PRH1: variants seen among roughly 807,000 people sequenced by gnomAD.
PRH1 encodes salivary acidic proline-rich phosphoprotein 1/2.
In PRH1, 7 loss-of-function variants were observed where a neutral mutation model predicts 7.9. The ratio of observed to expected loss-of-function variants is 0.89; its 90% confidence interval spans 0.50 to 1.67. The LOEUF is 1.67. PRH1 is among the 40% of genes most tolerant of loss of function. PRH1 has a pLI of 0.00. For missense variants in PRH1, 109 were observed against 223.6 expected (o/e 0.49, Z 3.27); for synonymous variants, 45 against 80.8 (o/e 0.56, Z 2.38).
intron 1 of PRH1, chr12:11,062,221 C>T: frequency 6.2e-7 from 1 of 1,613,106 alleles, no homozygotes; most frequent in Non-Finnish European, 8.5e-7. Flanking sequence ...TGCTATGAAG[C>T]CATTAGCAAA....
intron 2 of PRH1, among the ~76,000 whole-genome samples, chr12:10,927,589 G>T (rs977875773): frequency 6.6e-6 from 1 of 152,184 alleles, no homozygotes; most frequent in African/African-American, 2.4e-5. Context: ...GAACATTGTT[G>T]TCTGTAGAAA....
At chr12:11,107,911 G>T (rs1394983715) in intron 1 of PRH1, among the ~76,000 whole-genome samples, 1 of 152,198 alleles carries the variant, frequency 6.6e-6, no homozygotes, top group Non-Finnish European at 1.5e-5. Context: ...AGCAGCAAAA[G>T]AAAAGGAACA....
chr12:10,971,187 T>C (rs1938798582), intron 2 of PRH1, among the ~76,000 whole-genome samples: 2 of 150,518 alleles, frequency 1.3e-5, no homozygotes, highest in Admixed American at 1.3e-4. Flanking sequence ...CCCATTCTCC[T>C]CTTGTTTTCC....
chr12:11,050,087 C>A (rs1051910634), upstream of PRH1, among the ~76,000 whole-genome samples: 1 of 150,894 alleles, frequency 6.6e-6, no homozygotes, highest in African/African-American at 2.4e-5. Context: ...CCTGCCAAGA[C>A]CAGCTCGGTT....
chr12:11,035,195 T>C (rs1327451950), intron 1 of PRH1, among the ~76,000 whole-genome samples: 2 of 152,116 alleles, frequency 1.3e-5, no homozygotes, highest in Admixed American at 6.6e-5. Context: ...TCTAAAAATA[T>C]ATGAACTGAT....
rs550312240 is a variant in PRH1 at position 11,030,391 on chromosome 12, G to A, written c.-126+16629C>T. 9.3e-6 allele frequency: 15 copies of A among 1,608,446 alleles called. No homozygotes were observed. The Admixed American group carries it at 2.5e-4, about 27-fold the overall frequency. On this transcript the variant is annotated intron_variant, in intron 1 of 3. Transcript: ENST00000539853. ...TGTTTTCTGCTAGAAGACACACAAT[G>A]CCCCTCTCATGAATCTATGGAGATG...
chr12:10,887,233 T>C (rs1171449134), upstream of PRH1, among the ~76,000 whole-genome samples: 2 of 152,164 alleles, frequency 1.3e-5, no homozygotes, highest in Non-Finnish European at 2.9e-5. Flanking sequence ...AAGATGAACA[T>C]TGACAGAGGG....
At chr12:10,961,193 T>C (rs116462212) in intron 2 of PRH1, among the ~76,000 whole-genome samples, 2,358 of 143,860 alleles carry the variant, frequency 0.016, 75 homozygotes, top group South Asian at 0.031. Flanking sequence ...GAGAGAAAAC[T>C]CCTAGGGAAT....
chr12:11,041,180 CA>C (rs71434168), intron 1 of PRH1, among the ~76,000 whole-genome samples: 1 of 142,184 alleles, frequency 7.0e-6, no homozygotes, highest in Non-Finnish European at 1.5e-5. Context: ...AAAAACAAAA[CA>C]AAAAAAAACT....
chr12:11,151,957 G>A (rs1442632548), intron 1 of PRH1, among the ~76,000 whole-genome samples: 2 of 151,000 alleles, frequency 1.3e-5, no homozygotes, highest in African/African-American at 4.9e-5. Context: ...TTTCATGATG[G>A]TAGCCAGATC....
chr12:11,077,590 T>C, intron 1 of PRH1: 1 of 1,300,350 alleles, frequency 7.7e-7, no homozygotes, highest in Non-Finnish European at 1.1e-6. Flanking sequence ...GGTGCTGAGA[T>C]CTTGAGATCC....
Position 11,071,742 on chromosome 12 carries a change from G to C in PRH1, n.124-24554C>G, listed in dbSNP as rs1340789694. Among the ~76,000 whole-genome samples, 15 of 152,240 alleles carry C rather than the reference G, an allele frequency of 9.9e-5. No homozygotes were observed. The East Asian group carries it at 2.9e-3, about 29-fold the overall frequency. On this transcript the variant is annotated intron_variant and non_coding_transcript_variant, in intron 1 of 4. Transcript: ENST00000541977. ...GTCTGTTAAGTGGCCCGGATGCTCG[G>C]CTGGACTGACAAGCAAAACATACAT...
chr12:10,933,589 G>A (rs887370808), intron 2 of PRH1, among the ~76,000 whole-genome samples: 2 of 151,874 alleles, frequency 1.3e-5, no homozygotes, highest in Non-Finnish European at 2.9e-5. Context: ...GGATAATGAA[G>A]TCAGCAGAGG....
chr12:10,922,620 T>A (rs181512210), intron 2 of PRH1, among the ~76,000 whole-genome samples: 47 of 152,250 alleles, frequency 3.1e-4, no homozygotes, highest in Non-Finnish European at 2.9e-4. Context: ...AAGTATTGAA[T>A]TAATTTTTGC....
chr12:11,153,249 A>ATTAC (rs1327412053), intron 1 of PRH1, among the ~76,000 whole-genome samples: 1 of 152,178 alleles, frequency 6.6e-6, no homozygotes, highest in Non-Finnish European at 1.5e-5. Context: ...AAGGCTTTGA[A>ATTAC]TTACTAGCTT....
At chr12:11,003,384 A>C (rs1940682828) in intron 1 of PRH1, among the ~76,000 whole-genome samples, 1 of 151,674 alleles carries the variant, frequency 6.6e-6, no homozygotes, top group East Asian at 1.9e-4. Flanking sequence ...TAACATTAAC[A>C]CTCATATTCC....
chr12:10,973,704 A>C (rs1938943691), exon 2 of PRH1: 1 of 780,128 alleles, frequency 1.3e-6, no homozygotes, highest in Non-Finnish European at 2.4e-6. Context: ...CAGCAGGCAA[A>C]ATATTCTTCT....
chr12:11,123,028 T>C (rs1231069112), intron 1 of PRH1, among the ~76,000 whole-genome samples: 1 of 152,054 alleles, frequency 6.6e-6, no homozygotes, highest in Non-Finnish European at 1.5e-5. Context: ...GAACAAAGCA[T>C]GCAACCCTAA....
intron 2 of PRH1, among the ~76,000 whole-genome samples, chr12:10,969,718 T>C (rs1938704342): frequency 6.6e-6 from 1 of 152,210 alleles, no homozygotes; most frequent in Admixed American, 6.5e-5. Flanking sequence ...ATTTATCATA[T>C]GTATCAATAG....
Sources: gnomAD v4.1 joint callset for allele counts (sites outside exome capture counted in the v4.1 genomes callset) on GRCh38, gnomAD v4.1.1 for gene constraint, MANE v1.5 for transcripts, NCBI Gene and HGNC (gene_info 2026-07-23, HGNC 2026-07-21) for gene names.